NRXN1: variants seen among roughly 807,000 people sequenced by gnomAD.
The protein encoded by NRXN1 is neurexin-1.
NRXN1 carries 39 observed loss-of-function variants against 150.9 expected under a neutral mutation model. The ratio of observed to expected loss-of-function variants is 0.26; its 90% CI spans 0.20 to 0.34. NRXN1 has a LOEUF of 0.34. Among genes scored for constraint, NRXN1 ranks in the 10% least tolerant of loss-of-function variants. NRXN1 has a pLI of 1.00. For missense variants in NRXN1, 1,815 were observed against 1,949.9 expected, an observed-to-expected ratio of 0.93 and a Z score of 1.30; for synonymous variants, 924 against 757.0, an observed-to-expected ratio of 1.22 and a Z score of -3.62.
At chr2:50,495,721 C>G (rs868375933) in intron 15 of NRXN1, among the ~76,000 whole-genome samples, 184 bp downstream of exon 15, 3 of 152,066 alleles carry the variant, frequency 2.0e-5, no homozygotes, top group Admixed American at 6.6e-5. Flanking sequence ...ATTAAAAATA[C>G]ATAGGTTCCT....
At chr2:50,590,763 C>A (rs183283337) in intron 8 of NRXN1, among the ~76,000 whole-genome samples, 83 of 152,300 alleles carry the variant, frequency 5.4e-4, no homozygotes, top group African/African-American at 1.9e-3. Flanking sequence ...TCACCAGACA[C>A]TGAATCTTCC....
chr2:50,689,854 TTGTGTGTGTG>T (rs796892350), intron 5 of NRXN1, among the ~76,000 whole-genome samples: 1,480 of 135,324 alleles, frequency 0.011, 24 homozygotes, highest in African/African-American at 0.035. Context: ...TTTTGCTTAT[TTGTGTGTGTG>T]TGTGTGTGTG....
intron 5 of NRXN1, among the ~76,000 whole-genome samples, chr2:50,910,209 G>T (rs1488669910): frequency 2.6e-5 from 4 of 151,782 alleles, no homozygotes; most frequent in African/African-American, 4.8e-5. Context: ...TTTCCTCCAT[G>T]TAGTTTGTGA....
intron 2 of NRXN1, chr2:51,026,346 C>A (rs747554159): frequency 2.7e-6 from 4 of 1,459,896 alleles, no homozygotes; most frequent in Admixed American, 3.8e-5. Flanking sequence ...GCCACTGATT[C>A]GTCTTTTTCA....
intron 17 of NRXN1, among the ~76,000 whole-genome samples, chr2:50,243,992 T>C (rs2066274725): frequency 6.6e-6 from 1 of 151,858 alleles, no homozygotes. Flanking sequence ...CAATAGTAAT[T>C]ATGCGCTTCA....
intron 2 of NRXN1, among the ~76,000 whole-genome samples, chr2:50,981,045 A>T (rs931122041): frequency 1.3e-5 from 2 of 152,280 alleles, no homozygotes; most frequent in African/African-American, 2.4e-5. Context: ...AAAAGTAATT[A>T]CAGATATCTC....
At chr2:50,946,060 G>T (rs1463321023) in intron 2 of NRXN1, among the ~76,000 whole-genome samples, 1 of 151,724 alleles carries the variant, frequency 6.6e-6, no homozygotes, top group Non-Finnish European at 1.5e-5. Context: ...AACATACTCA[G>T]AGCTGATCCA....
chr2:50,884,121 C>G (rs1289699271), intron 5 of NRXN1, among the ~76,000 whole-genome samples: 1 of 151,692 alleles, frequency 6.6e-6, no homozygotes, highest in Admixed American at 6.6e-5. Context: ...AGCAGCTTAC[C>G]TTTTGAACTA....
At chr2:50,927,271 GT>G (rs1687046644) in intron 2 of NRXN1, among the ~76,000 whole-genome samples, 1 of 151,964 alleles carries the variant, frequency 6.6e-6, no homozygotes, top group Admixed American at 6.6e-5. Context: ...CAACAATTTT[GT>G]TTAAAACATT....
At chr2:50,908,685 G>T (rs1386485904) in intron 5 of NRXN1, among the ~76,000 whole-genome samples, 1 of 152,054 alleles carries the variant, frequency 6.6e-6, no homozygotes, top group East Asian at 1.9e-4. Flanking sequence ...GTTTGAATGT[G>T]TTCCCCAAAT....
chr2:50,791,722 T>C (rs1706079789), intron 5 of NRXN1, among the ~76,000 whole-genome samples: 1 of 152,162 alleles, frequency 6.6e-6, no homozygotes, highest in South Asian at 2.1e-4. Context: ...CTGTGGTAAT[T>C]TAAACGTTAT....
At chr2:50,216,463 C>T (rs542667136) in intron 18 of NRXN1, among the ~76,000 whole-genome samples, 1 of 152,022 alleles carries the variant, frequency 6.6e-6, no homozygotes, top group East Asian at 1.9e-4. Context: ...GAAGTATTTA[C>T]CAATCGGATT....
chr2:50,797,642 C>T (rs1263077500), intron 5 of NRXN1, among the ~76,000 whole-genome samples: 1 of 152,122 alleles, frequency 6.6e-6, no homozygotes, highest in Non-Finnish European at 1.5e-5. Context: ...CCTCAATATC[C>T]TATCCATAAC....
At chr2:51,005,061 T>G (rs1383551449) in intron 2 of NRXN1, among the ~76,000 whole-genome samples, 1 of 151,934 alleles carries the variant, frequency 6.6e-6, no homozygotes, top group Non-Finnish European at 1.5e-5. Context: ...AATAGTCACA[T>G]TTTTCTTGTG....
intron 17 of NRXN1, among the ~76,000 whole-genome samples, chr2:50,335,097 C>G (rs539138907): frequency 6.6e-6 from 1 of 152,224 alleles, no homozygotes; most frequent in Admixed American, 6.5e-5. Context: ...GAAATTTTGT[C>G]TAATACACAG....
intron 17 of NRXN1, among the ~76,000 whole-genome samples, chr2:50,397,175 T>A (rs569210360): frequency 3.9e-5 from 6 of 152,046 alleles, no homozygotes; most frequent in African/African-American, 7.2e-5. Context: ...GAAGAAACTA[T>A]GAGGAGAATC....
intron 5 of NRXN1, among the ~76,000 whole-genome samples, chr2:50,648,959 A>G (rs1278170327): frequency 6.6e-6 from 1 of 151,868 alleles, no homozygotes; most frequent in Non-Finnish European, 1.5e-5. Flanking sequence ...AAATCCTTAA[A>G]ATTCATGGCC....
chr2:50,738,887 A>G lies in NRXN1; in HGVS notation c.833-115272T>C, dbSNP rs117483849. Among the ~76,000 whole-genome samples, 230 of 152,318 alleles carry G rather than the reference A, an allele frequency of 1.5e-3. 3 individuals are homozygous for G. In the East Asian group the frequency reaches 0.042, roughly 28 times the overall value. On this transcript the variant is annotated intron_variant, in intron 5 of 22. Coordinates refer to ENST00000401669, the MANE Select transcript of NRXN1 (RefSeq NM_001330078.2). ...ATGCCATAATTAGGCAACTGGATGC[A>G]TAGCAAGAAGAGTTCTGGAGGGGCA...
chr2:50,729,150 A>G (rs1333566103), intron 5 of NRXN1, among the ~76,000 whole-genome samples: 1 of 152,094 alleles, frequency 6.6e-6, no homozygotes, highest in Non-Finnish European at 1.5e-5. Context: ...CTTATATTCT[A>G]TTTCTTTTAA....
Sources: gnomAD v4.1 joint callset for allele counts (sites outside exome capture counted in the v4.1 genomes callset) on GRCh38, gnomAD v4.1.1 for gene constraint, MANE v1.5 for transcripts, NCBI Gene and HGNC (gene_info 2026-07-23, HGNC 2026-07-21) for gene names.